ESF1: variants seen among roughly 807,000 people sequenced by gnomAD.
The protein encoded by ESF1 is ESF1 homolog.
In ESF1, 58 loss-of-function variants were observed where a neutral mutation model predicts 92.0. The ratio of observed to expected loss-of-function variants is 0.63; its 90% CI spans 0.51 to 0.78. ESF1 has a LOEUF of 0.78. Ranked by LOEUF, ESF1 falls within the 30% of genes least tolerant of loss-of-function variation. The pLI is 0.00. For missense variants in ESF1, 922 were observed against 989.1 expected (o/e 0.93, Z 0.91); for synonymous variants, 321 against 313.7 (o/e 1.02, Z -0.24).
intron 11 of ESF1, among the ~76,000 whole-genome samples, chr20:13,724,739 T>C (rs931309062): frequency 2.6e-5 from 4 of 152,344 alleles, no homozygotes; most frequent in East Asian, 1.9e-4. Flanking sequence ...AACTGTATCA[T>C]TCTCATATAT....
At chr20:13,739,043 G>A (rs1331903085) in intron 9 of ESF1, among the ~76,000 whole-genome samples, 1 of 152,168 alleles carries the variant, frequency 6.6e-6, no homozygotes, top group Non-Finnish European at 1.5e-5. Context: ...CAGAAACACA[G>A]TCATAAGGAT....
At position 13,759,843 on chromosome 20, in the gene ESF1, T is replaced by C; in HGVS notation, c.1677A>G (p.Gly559=). The C allele has an allele frequency of 6.3e-7, 1 of 1,592,088 alleles. No individual in the cohort carries two copies. Among genetic ancestry groups the C allele is most frequent in the East Asian group, 2.3e-5 (1 of 43,818 alleles). The stretch of plus-strand genomic sequence containing the variant: ...TTTTCCCATCTTCTTCTACATTGAC[T>C]CCATCATCACCTAATGAAAAAAAAA... ...EIEEELQGDD[G]VNVEEDGKTK... The change falls in exon 9 of 14, where the codon GGA becomes GGG. Residue 559 remains glycine (G), a synonymous_variant. Coordinates refer to ENST00000617257, the MANE Select transcript of ESF1 (RefSeq NM_001276380.2).
chr20:13,742,321 A>G (rs2050018693), intron 9 of ESF1, among the ~76,000 whole-genome samples: 1 of 152,126 alleles, frequency 6.6e-6, no homozygotes, highest in Non-Finnish European at 1.5e-5. Context: ...AAATACAAAA[A>G]AACTAGCTGG....
intron 8 of ESF1, among the ~76,000 whole-genome samples, chr20:13,760,094 T>C (rs1226640002): frequency 2.6e-5 from 4 of 152,260 alleles, no homozygotes; most frequent in African/African-American, 9.6e-5. Flanking sequence ...AAAATTTATA[T>C]TGGATAATAA....
intron 9 of ESF1, among the ~76,000 whole-genome samples, chr20:13,754,023 G>C (rs1712899502): frequency 6.6e-6 from 1 of 152,154 alleles, no homozygotes; most frequent in African/African-American, 2.4e-5. Context: ...GTTACATTTT[G>C]AAGTGCTTTT....
At chr20:13,719,633 G>A (rs140093896) in intron 11 of ESF1, among the ~76,000 whole-genome samples, 5 of 152,058 alleles carry the variant, frequency 3.3e-5, no homozygotes, top group East Asian at 3.9e-4. Context: ...AAAATAAAAC[G>A]CAGGTGAATT....
intron 9 of ESF1, among the ~76,000 whole-genome samples, chr20:13,748,597 T>G (rs1226961251): frequency 1.2e-5 from 1 of 83,234 alleles, no homozygotes; most frequent in Non-Finnish European, 2.9e-5. Context: ...TATATATTTT[T>G]TTTTTTTTGA....
intron 13 of ESF1, among the ~76,000 whole-genome samples, chr20:13,716,651 T>C (rs999933585): frequency 6.7e-6 from 1 of 149,934 alleles, no homozygotes; most frequent in Non-Finnish European, 1.5e-5. Context: ...TCTTTTTTTT[T>C]TTTTTTTGAG....
At chr20:13,748,433 T>TATATAC (rs1202583007) in intron 9 of ESF1, among the ~76,000 whole-genome samples, 89 of 145,060 alleles carry the variant, frequency 6.1e-4, no homozygotes, top group South Asian at 6.4e-4. Context: ...TATACACATA[T>TATATAC]ATATACACAT....
In ESF1 at chr20:13,736,246, C is replaced by T. The variant is rs550761303; in HGVS notation, c.1829-2404G>A. Among the ~76,000 whole-genome samples the T allele has an allele frequency of 3.3e-5, 5 of 152,234 alleles. No homozygotes were observed. In the East Asian group the frequency reaches 9.6e-4, roughly 29 times the overall value. Reference sequence around the variant, plus strand: ...ATTCAGCAATATCTCTGGTTATCCACTAGATGCTAGTAACTCCAGGTGTAA... The same window carrying T: ...ATTCAGCAATATCTCTGGTTATCCATTAGATGCTAGTAACTCCAGGTGTAA... On this transcript the variant is annotated intron_variant, in intron 9 of 13. Coordinates refer to ENST00000617257, the MANE Select transcript of ESF1 (RefSeq NM_001276380.2).
At chr20:13,732,005 C>T (rs541763801) in intron 10 of ESF1, among the ~76,000 whole-genome samples, 1 of 152,194 alleles carries the variant, frequency 6.6e-6, no homozygotes, top group Admixed American at 6.5e-5. Flanking sequence ...TATGATAAAC[C>T]AGCAAATGTG....
intron 11 of ESF1, among the ~76,000 whole-genome samples, chr20:13,721,029 G>A (rs528749563): frequency 1.2e-3 from 176 of 152,078 alleles, no homozygotes; most frequent in Non-Finnish European, 2.0e-3. Flanking sequence ...AGGCTGAGGC[G>A]GGAGAATTGC....
chr20:13,745,291 C>T (rs1288039881), intron 9 of ESF1, among the ~76,000 whole-genome samples: 1 of 152,042 alleles, frequency 6.6e-6, no homozygotes, highest in Non-Finnish European at 1.5e-5. Flanking sequence ...CAAGAATATT[C>T]ACAAAGGCAC....
At chr20:13,759,123 A>C (rs1016469716) in intron 9 of ESF1, among the ~76,000 whole-genome samples, 3 of 152,202 alleles carry the variant, frequency 2.0e-5, no homozygotes, top group Non-Finnish European at 2.9e-5. Flanking sequence ...CAGAAAGTGA[A>C]ACCATGAAAA....
chr20:13,719,843 T>C (rs2049855471), intron 11 of ESF1, among the ~76,000 whole-genome samples: 1 of 152,148 alleles, frequency 6.6e-6, no homozygotes, highest in Non-Finnish European at 1.5e-5. Context: ...AAAAAACTTA[T>C]CTTTATAATA....
intron 9 of ESF1, among the ~76,000 whole-genome samples, chr20:13,755,675 C>A (rs1432180518): frequency 6.6e-6 from 1 of 152,040 alleles, no homozygotes; most frequent in Admixed American, 6.5e-5. Flanking sequence ...TATTTATAAT[C>A]CTAATTAATA....
At chr20:13,726,425 C>T (rs1158978026) in intron 11 of ESF1, among the ~76,000 whole-genome samples, 2 of 152,020 alleles carry the variant, frequency 1.3e-5, no homozygotes, top group Non-Finnish European at 2.9e-5. Context: ...TTTCTACCCA[C>T]TCTCCCCTCA....
Position 13,759,814 on chromosome 20 carries a change from T to C in ESF1, c.1706A>G (p.Lys569Arg). 1.2e-6 allele frequency: 2 copies of C among 1,601,002 alleles called. No individual in the cohort carries two copies. Among genetic ancestry groups the C allele is most frequent in the East Asian group, 4.5e-5 (2 of 44,320 alleles). ...TTCTTCATCATCCTTCTGACTTTTC[T>C]TTGTTTTCCCATCTTCTTCTACATT... is the stretch of plus-strand genomic sequence containing the variant. ...GVNVEEDGKT[K>R]KSQKDDEEQI... The change falls in exon 9 of 14, where the codon AAG becomes AGG. Residue 569 changes from lysine (K) to arginine (R), a missense_variant. By Grantham distance (26) the Lys-to-Arg change is conservative (BLOSUM62 2). Coordinates refer to ENST00000617257, the MANE Select transcript of ESF1 (RefSeq NM_001276380.2).
chr20:13,742,681 A>G (rs1244196211), intron 9 of ESF1, among the ~76,000 whole-genome samples: 2 of 152,158 alleles, frequency 1.3e-5, no homozygotes, highest in Non-Finnish European at 2.9e-5. Flanking sequence ...TAAATGGATG[A>G]CCTACAGCTA....
Sources: allele counts gnomAD v4.1 joint callset (sites outside exome capture counted in the v4.1 genomes callset), GRCh38; gene constraint gnomAD v4.1.1; transcripts MANE v1.5; gene names NCBI Gene and HGNC (gene_info 2026-07-23, HGNC 2026-07-21).